Variants in CACHD1 observed in about 807,000 individuals in gnomAD.
CACHD1 encodes VWFA and cache domain-containing protein 1.
A neutral mutation model predicts 138.7 loss-of-function variants in CACHD1; 71 were observed. The ratio of observed to expected loss-of-function variants is 0.51; its 90% CI spans 0.42 to 0.62. CACHD1 has a LOEUF of 0.62. CACHD1 is among the 20% of genes least tolerant of loss of function. The pLI, the probability that CACHD1 is intolerant of heterozygous loss-of-function variation, is 0.00. For synonymous variants in CACHD1, 578 were observed against 591.5 expected, an observed-to-expected ratio of 0.98 and a Z score of 0.33; for missense variants, 1,389 against 1,625.3, an observed-to-expected ratio of 0.85 and a Z score of 2.50.
rs71056059 is a variant in CACHD1 at position 64,634,995 on chromosome 1, C to CAAA, written c.1006+755_1006+757dup. Among the ~76,000 whole-genome samples the CAAA allele has an allele frequency of 2.9e-3, 181 of 62,408 alleles. 2 individuals carry two copies. Among genetic ancestry groups the CAAA allele is most frequent in the Admixed American group, 5.7e-3 (21 of 3,684 alleles). 40.9% of individuals were successfully genotyped at this position (62,408 alleles called of 152,430 possible). A position where few individuals can be genotyped will look rare whatever the true frequency, so the allele number is the denominator to read the frequency against. The stretch of plus-strand genomic sequence containing the variant: ...TGGGTGACAGAGCAAGACTCTGTCT[C>CAAA]AAAAAAAAAAAAAAAAAAAAAAGAT... On this transcript the variant is annotated intron_variant, in intron 7 of 26. Coordinates refer to ENST00000651257, the MANE Select transcript of CACHD1 (RefSeq NM_020925.4).
At chr1:64,658,032 C>G (rs1036975345) in intron 12 of CACHD1, among the ~76,000 whole-genome samples, 2 of 152,198 alleles carry the variant, frequency 1.3e-5, no homozygotes, top group African/African-American at 4.8e-5. Flanking sequence ...ACTACTGTTT[C>G]TACATATGAG....
chr1:64,552,080 A>C (rs1026770821), intron 2 of CACHD1, among the ~76,000 whole-genome samples: 1 of 152,248 alleles, frequency 6.6e-6, no homozygotes, highest in Non-Finnish European at 1.5e-5. Flanking sequence ...ATCCAGGGAT[A>C]TCAGTTTTGC....
At chr1:64,623,419 T>C (rs1167080991) in intron 4 of CACHD1, among the ~76,000 whole-genome samples, 2 of 150,386 alleles carry the variant, frequency 1.3e-5, no homozygotes, top group African/African-American at 2.5e-5. Flanking sequence ...AAAAATGGCA[T>C]TAGAAGAAAA....
chr1:64,499,702 T>C (rs1262130935), intron 1 of CACHD1, among the ~76,000 whole-genome samples: 5 of 152,246 alleles, frequency 3.3e-5, no homozygotes, highest in Non-Finnish European at 7.3e-5. Flanking sequence ...CATATATAAT[T>C]GTAGATTTCT....
chr1:64,576,274 T>G (rs1646966575), intron 2 of CACHD1, among the ~76,000 whole-genome samples: 1 of 152,180 alleles, frequency 6.6e-6, no homozygotes, highest in Non-Finnish European at 1.5e-5. Flanking sequence ...GTTGAGAATG[T>G]CTTTGTTTTC....
At chr1:64,506,356 T>C (rs1646376684) in intron 1 of CACHD1, 2 of 152,258 alleles carry the variant, frequency 1.3e-5, no homozygotes, top group Non-Finnish European at 2.9e-5. Context: ...CTAAATACTC[T>C]TACCTGCGTT....
rs397980387 is a variant in CACHD1, at chr1:64,684,363, CTTTT to C, written c.3586+2275_3586+2278del. Reference sequence around the variant, plus strand: ...TTTGTTTTTTCTTCTTCTTCTTCTTCTTTTTTTTTTTTTTTTTTTTTGGAGACAC... The same window carrying C: ...TTTGTTTTTTCTTCTTCTTCTTCTTCTTTTTTTTTTTTTTTTTGGAGACAC... On this transcript the variant is annotated intron_variant, in intron 26 of 26. Transcript: ENST00000651257. Among the ~76,000 whole-genome samples, 60 of 54,958 alleles carry C rather than the reference CTTTT, an allele frequency of 1.1e-3. No individual in the cohort carries two copies. The East Asian group carries it at 0.032, about 29-fold the overall frequency. The allele number at this position is 54,958 out of a possible 152,430, so 36.1% of individuals were successfully genotyped here. A position where few individuals can be genotyped will look rare whatever the true frequency, so the allele number is the denominator to read the frequency against.
At chr1:64,483,311 T>A (rs1553126046) in intron 1 of CACHD1, among the ~76,000 whole-genome samples, 1 of 152,194 alleles carries the variant, frequency 6.6e-6, no homozygotes, top group Non-Finnish European at 1.5e-5. Flanking sequence ...AGCTGCTTTA[T>A]CCTAGAGGTT....
Position 64,614,584 on chromosome 1 carries a change from C to A in CACHD1, c.517+11672C>A, listed in dbSNP as rs577990424. ...CCGCTGGGTACCTGCTTGTGCATTG[C>A]TCTTCTTGTTAGGCCTAGATACCCG... is the stretch of plus-strand genomic sequence containing the variant. On this transcript the variant is annotated intron_variant, in intron 4 of 26. Coordinates refer to ENST00000651257, the MANE Select transcript of CACHD1 (RefSeq NM_020925.4). Among the ~76,000 whole-genome samples, 261 of 151,908 alleles carry A rather than the reference C, an allele frequency of 1.7e-3. 1 individual carries two copies. Among genetic ancestry groups the A allele is most frequent in the African/African-American group, 6.0e-3 (248 of 41,438 alleles).
intron 16 of CACHD1, among the ~76,000 whole-genome samples, chr1:64,669,514 A>G (rs1397766826): frequency 2.0e-5 from 3 of 152,170 alleles, no homozygotes; most frequent in African/African-American, 7.2e-5. Context: ...TCTTTCATAC[A>G]CATTTTTAGT....
intron 1 of CACHD1, among the ~76,000 whole-genome samples, chr1:64,495,408 C>G (rs1200225800): frequency 6.6e-6 from 1 of 152,118 alleles, no homozygotes; most frequent in Non-Finnish European, 1.5e-5. Context: ...AAAAGCTCTC[C>G]TATATAATCT....
At chr1:64,583,651 A>C (rs566651963) in intron 3 of CACHD1, among the ~76,000 whole-genome samples, 1 of 152,318 alleles carries the variant, frequency 6.6e-6, no homozygotes, top group South Asian at 2.1e-4. Flanking sequence ...CATACTTTAG[A>C]CTGGGTAATT....
At chr1:64,665,026 G>A (rs746450322) in intron 15 of CACHD1, among the ~76,000 whole-genome samples, 19 of 152,120 alleles carry the variant, frequency 1.2e-4, no homozygotes, top group Non-Finnish European at 1.5e-4. Flanking sequence ...TACAGCTTAT[G>A]TATGACCTGT....
chr1:64,671,391 T>C (rs1649811392), intron 16 of CACHD1, among the ~76,000 whole-genome samples, 173 bp from the exon 17 acceptor site: 1 of 152,206 alleles, frequency 6.6e-6, no homozygotes, highest in Non-Finnish European at 1.5e-5. Context: ...TCTCATAAAA[T>C]TTCCATGTTG....
chr1:64,488,141 A>G (rs1424524337), intron 1 of CACHD1, among the ~76,000 whole-genome samples: 1 of 152,214 alleles, frequency 6.6e-6, no homozygotes, highest in Non-Finnish European at 1.5e-5. Flanking sequence ...CAATTGTTTC[A>G]TCTAATTAGT....
At chr1:64,617,735 G>A (rs929774961) in intron 4 of CACHD1, among the ~76,000 whole-genome samples, 1 of 152,298 alleles carries the variant, frequency 6.6e-6, no homozygotes. Flanking sequence ...TCAGGTCACA[G>A]GGTTTAAGTC....
intron 4 of CACHD1, among the ~76,000 whole-genome samples, chr1:64,607,332 C>T (rs958828378): frequency 6.6e-6 from 1 of 152,112 alleles, no homozygotes; most frequent in Non-Finnish European, 1.5e-5. Context: ...GTCACCTAGT[C>T]CCTGTATGCT....
At chr1:64,582,539 TG>T (rs781417802) in intron 3 of CACHD1, among the ~76,000 whole-genome samples, 70 of 152,144 alleles carry the variant, frequency 4.6e-4, no homozygotes, top group Non-Finnish European at 9.1e-4. Flanking sequence ...CCTGATGAAA[TG>T]CAAGTTGAGG....
intron 16 of CACHD1, among the ~76,000 whole-genome samples, chr1:64,666,870 A>AAAG (rs1557547815): frequency 1.9e-5 from 2 of 106,828 alleles, no homozygotes; most frequent in Non-Finnish European, 3.3e-5. Flanking sequence ...AAAAAAAAAA[A>AAAG]AACGAGAAAG....
Sources: allele counts gnomAD v4.1 joint callset (sites outside exome capture counted in the v4.1 genomes callset), GRCh38; gene constraint gnomAD v4.1.1; transcripts MANE v1.5; gene names NCBI Gene and HGNC (gene_info 2026-07-23, HGNC 2026-07-21).